Variants in RAPGEF4 observed in about 807,000 individuals in gnomAD.
RAPGEF4 encodes the protein Rap guanine nucleotide exchange factor 4.
A neutral mutation model predicts 147.9 loss-of-function variants in RAPGEF4; 66 were observed. The observed-to-expected ratio is 0.45, with a 90% CI of 0.37 to 0.55. RAPGEF4 has a LOEUF of 0.55. RAPGEF4 is among the 20% of genes least tolerant of loss of function. The pLI is 0.00. For synonymous variants in RAPGEF4, 419 were observed against 442.7 expected, an observed-to-expected ratio of 0.95 and a Z score of 0.67; for missense variants, 1,071 against 1,257.3, an observed-to-expected ratio of 0.85 and a Z score of 2.24.
intron 23 of RAPGEF4, among the ~76,000 whole-genome samples, chr2:173,021,629 G>C (rs1461822729): frequency 6.6e-6 from 1 of 152,186 alleles, no homozygotes; most frequent in African/African-American, 2.4e-5. Context: ...ACAAGAGCTA[G>C]AGGTAAACTG....
chr2:172,933,416 G>C (rs1219304491), intron 6 of RAPGEF4, among the ~76,000 whole-genome samples: 2 of 152,198 alleles, frequency 1.3e-5, no homozygotes, highest in African/African-American at 4.8e-5. Flanking sequence ...AGGGAGGGAA[G>C]GATGAGAGTA....
At chr2:172,803,065 G>C (rs186867177) in intron 3 of RAPGEF4, among the ~76,000 whole-genome samples, 2 of 152,256 alleles carry the variant, frequency 1.3e-5, no homozygotes, top group East Asian at 3.9e-4. Context: ...GGCTGGCATT[G>C]AGTGTATGCA....
chr2:172,873,182 G>A (rs1444890809), intron 4 of RAPGEF4, among the ~76,000 whole-genome samples: 1 of 152,246 alleles, frequency 6.6e-6, no homozygotes, highest in East Asian at 1.9e-4. Context: ...AGACAAAGCA[G>A]AGATGGCTGA....
At chr2:173,015,450 A>G (rs1051154381) in intron 18 of RAPGEF4, among the ~76,000 whole-genome samples, 8 of 152,210 alleles carry the variant, frequency 5.3e-5, no homozygotes, top group African/African-American at 1.4e-4. Context: ...AAATTATCCA[A>G]AAGAAACATA....
intron 3 of RAPGEF4, among the ~76,000 whole-genome samples, chr2:172,804,795 T>C (rs1687321006): frequency 6.6e-6 from 1 of 152,196 alleles, no homozygotes; most frequent in Non-Finnish European, 1.5e-5. Context: ...AAAAAAGTCA[T>C]GATTCTACAT....
intron 4 of RAPGEF4, among the ~76,000 whole-genome samples, chr2:172,828,598 C>T (rs1238511432): frequency 7.9e-5 from 12 of 152,178 alleles, no homozygotes; most frequent in Non-Finnish European, 2.9e-5. Flanking sequence ...ACCAAGAGAA[C>T]TGAAGGTCAA....
At chr2:172,993,793 G>A (rs1275686434) in intron 15 of RAPGEF4, among the ~76,000 whole-genome samples, 1 of 152,212 alleles carries the variant, frequency 6.6e-6, no homozygotes, top group East Asian at 1.9e-4. Context: ...GGGAATGTTA[G>A]CACCTAATAG....
intron 5 of RAPGEF4, 147 bp from the exon 6 acceptor site, chr2:172,922,134 T>G: frequency 1.3e-6 from 1 of 765,068 alleles, no homozygotes; most frequent in South Asian, 1.6e-5. Flanking sequence ...GTTTTTATAT[T>G]TCTAAGCAGC....
At chr2:172,867,670 G>T (rs1694795306) in intron 4 of RAPGEF4, among the ~76,000 whole-genome samples, 1 of 152,176 alleles carries the variant, frequency 6.6e-6, no homozygotes. Flanking sequence ...TGAGGGTATG[G>T]CTATTTGTTG....
chr2:172,763,969 G>A (rs1390018638), intron 1 of RAPGEF4, among the ~76,000 whole-genome samples: 1 of 151,898 alleles, frequency 6.6e-6, no homozygotes, highest in East Asian at 1.9e-4. Context: ...TAATACTATC[G>A]GCCAGACACC....
At chr2:172,753,403 T>TC (rs1318383220) in intron 1 of RAPGEF4, among the ~76,000 whole-genome samples, 1 of 151,504 alleles carries the variant, frequency 6.6e-6, no homozygotes, top group Non-Finnish European at 1.5e-5. Flanking sequence ...GATTTTCTTT[T>TC]TTTTTTTTAA....
At chr2:172,761,464 G>A (rs1696329333) in intron 1 of RAPGEF4, among the ~76,000 whole-genome samples, 1 of 151,988 alleles carries the variant, frequency 6.6e-6, no homozygotes, top group South Asian at 2.1e-4. Context: ...TTTTTCAAAT[G>A]TGGGAAAAAA....
chr2:172,931,723 A>G (rs1011401144), intron 6 of RAPGEF4, among the ~76,000 whole-genome samples: 3 of 152,180 alleles, frequency 2.0e-5, no homozygotes, highest in African/African-American at 7.2e-5. Context: ...CACATCGGAG[A>G]GTCATGGATG....
intron 15 of RAPGEF4, 143 bp downstream of exon 15, chr2:172,991,068 C>T (rs570145730): frequency 2.8e-5 from 18 of 645,978 alleles, no homozygotes; most frequent in African/African-American, 2.4e-4. Context: ...ACTAATCACA[C>T]ATCTTGTGGA....
At chr2:172,983,095 A>T (rs970776112) in intron 10 of RAPGEF4, among the ~76,000 whole-genome samples, 3 of 152,262 alleles carry the variant, frequency 2.0e-5, no homozygotes, top group Non-Finnish European at 4.4e-5. Flanking sequence ...AATTTAGATC[A>T]GTTGTCAAGT....
intron 14 of RAPGEF4, among the ~76,000 whole-genome samples, chr2:172,990,530 C>T (rs1692727716): frequency 6.6e-6 from 1 of 152,230 alleles, no homozygotes; most frequent in South Asian, 2.1e-4. Flanking sequence ...CACCTTCCTG[C>T]TCTACTTCCT....
intron 29 of RAPGEF4, chr2:173,048,194 A>G: frequency 6.1e-6 from 1 of 163,524 alleles, no homozygotes; most frequent in Non-Finnish European, 1.3e-5. Context: ...CTCATTAGTG[A>G]GTCTTATTTA....
intron 6 of RAPGEF4, among the ~76,000 whole-genome samples, chr2:172,956,279 A>G (rs1374242276): frequency 6.6e-6 from 1 of 151,770 alleles, no homozygotes; most frequent in African/African-American, 2.4e-5. Flanking sequence ...ACAGTGATCT[A>G]TTTGGCTTCT....
At chr2:172,820,008 T>C (rs1031043318) in intron 4 of RAPGEF4, among the ~76,000 whole-genome samples, 9 of 152,208 alleles carry the variant, frequency 5.9e-5, no homozygotes, top group African/African-American at 1.9e-4. Flanking sequence ...GCACAGATAG[T>C]ATAAGAGGGT....
Sources: allele counts gnomAD v4.1 joint callset (sites outside exome capture counted in the v4.1 genomes callset), GRCh38; gene constraint gnomAD v4.1.1; transcripts MANE v1.5; gene names NCBI Gene and HGNC (gene_info 2026-07-23, HGNC 2026-07-21).